CCDC14: variants seen among roughly 807,000 people sequenced by gnomAD.
The protein encoded by CCDC14 is coiled-coil domain containing 14.
CCDC14 carries 71 observed loss-of-function variants against 81.4 expected under a neutral mutation model. The ratio of observed to expected loss-of-function variants is 0.87; its 90% CI spans 0.72 to 1.06. The LOEUF is 1.06. Ranked by LOEUF, CCDC14 falls within the 50% of genes least tolerant of loss-of-function variation. The pLI is 0.00. For missense variants in CCDC14, 1,046 were observed against 1,047.3 expected, an observed-to-expected ratio of 1.00 and a Z score of 0.02; for synonymous variants, 332 against 364.8, an observed-to-expected ratio of 0.91 and a Z score of 1.03.
the CCDC14 span, among the ~76,000 whole-genome samples, chr3:123,888,784 A>AC: frequency 2.0e-5 from 3 of 152,006 alleles, no homozygotes; most frequent in African/African-American, 4.8e-5. Flanking sequence ...GGGGAAATCC[A>AC]CCCCCATGAT....
downstream of CCDC14, among the ~76,000 whole-genome samples, chr3:123,910,398 A>ATC (rs1208421947): frequency 5.9e-5 from 9 of 152,184 alleles, no homozygotes; most frequent in Admixed American, 5.9e-4. Flanking sequence ...ACTCACTGAC[A>ATC]AACCGGTGGA....
At chr3:123,956,698 A>G in intron 2 of CCDC14, 42 bp downstream of exon 2, 1 of 1,488,896 alleles carries the variant, frequency 6.7e-7, no homozygotes, top group East Asian at 2.5e-5. Flanking sequence ...GACCTGAAAA[A>G]TTCCTTGAAA....
At chr3:123,940,815 C>T (rs1192773076) in intron 9 of CCDC14, among the ~76,000 whole-genome samples, 3 of 151,998 alleles carry the variant, frequency 2.0e-5, no homozygotes, top group Non-Finnish European at 4.4e-5. Flanking sequence ...TCATCTTGTT[C>T]CTGTACTCCA....
At chr3:123,924,533 C>T (rs1165383190) in intron 12 of CCDC14, among the ~76,000 whole-genome samples, 4 of 151,958 alleles carry the variant, frequency 2.6e-5, no homozygotes, top group African/African-American at 7.2e-5. Context: ...ATATGCAAAC[C>T]GTACGTGATA....
the CCDC14 span, among the ~76,000 whole-genome samples, chr3:123,890,059 G>A: frequency 1.3e-5 from 2 of 152,190 alleles, no homozygotes; most frequent in African/African-American, 4.8e-5. Flanking sequence ...AATGGCAGCA[G>A]GCAGAGGGAG....
intron 12 of CCDC14, among the ~76,000 whole-genome samples, chr3:123,916,723 A>G (rs2034721694): frequency 6.6e-6 from 1 of 152,176 alleles, no homozygotes; most frequent in African/African-American, 2.4e-5. Flanking sequence ...CCGAACTACA[A>G]TGAAGATTAA....
rs2036741384 is a variant in CCDC14, at chr3:123,947,788, ATAT to A, written c.685-472_685-470del. On this transcript the variant is annotated intron_variant, in intron 7 of 12. Coordinates refer to ENST00000409697, the MANE Select transcript of CCDC14 (RefSeq NM_001366335.1). ...AATCCAACTTACTTTTAAGCTAAAAATATTAGTAAGTTTCTGATATTAAAAACT... is the reference window on the plus strand; with the variant it reads ...AATCCAACTTACTTTTAAGCTAAAAATAGTAAGTTTCTGATATTAAAAACT... Among the ~76,000 whole-genome samples, 3 of 152,024 alleles carry A rather than the reference ATAT, an allele frequency of 2.0e-5. No homozygotes were observed. The South Asian group carries it at 6.2e-4, about 32-fold the overall frequency.
chr3:123,891,647 T>C, the CCDC14 span, among the ~76,000 whole-genome samples: 1 of 152,224 alleles, frequency 6.6e-6, no homozygotes, highest in African/African-American at 2.4e-5. Context: ...TCATTGTCCA[T>C]GTTATTATCA....
At chr3:123,885,457 C>T in the CCDC14 span, among the ~76,000 whole-genome samples, 1 of 144,194 alleles carries the variant, frequency 6.9e-6, no homozygotes, top group Admixed American at 7.3e-5. Flanking sequence ...TCCAAGGGTG[C>T]ACCTTACCCC....
At chr3:123,909,270 G>GT (rs1469768972), downstream of CCDC14, among the ~76,000 whole-genome samples, 1 of 152,178 alleles carries the variant, frequency 6.6e-6, no homozygotes, top group Non-Finnish European at 1.5e-5. Context: ...GAACAAACGT[G>GT]TAAGTCTCTT....
At chr3:123,901,911 T>A (rs990275224) in intron 5 of CCDC14, among the ~76,000 whole-genome samples, 1 of 152,152 alleles carries the variant, frequency 6.6e-6, no homozygotes, top group Non-Finnish European at 1.5e-5. Flanking sequence ...CATATGAATA[T>A]GATTCAAGTT....
the CCDC14 span, among the ~76,000 whole-genome samples, chr3:123,888,090 T>C: frequency 2.6e-4 from 39 of 152,100 alleles, 1 homozygote; most frequent in Admixed American, 2.6e-3. Context: ...AAATAAAACG[T>C]TTAATTCTTC....
intron 5 of CCDC14, among the ~76,000 whole-genome samples, chr3:123,905,701 A>T (rs1338308962): frequency 1.3e-5 from 2 of 152,182 alleles, no homozygotes; most frequent in Non-Finnish European, 2.9e-5. Context: ...TGGATTCTGG[A>T]TTTCAGTCTC....
At chr3:123,956,159 T>C (rs915506142) in intron 3 of CCDC14, 44 bp from the exon 4 acceptor site, 48 of 1,447,876 alleles carry the variant, frequency 3.3e-5, no homozygotes, top group Non-Finnish European at 4.3e-5. Flanking sequence ...TATATGACTG[T>C]TAGTGTAGGA....
At chr3:123,945,210 A>C (rs576611905) in intron 8 of CCDC14, among the ~76,000 whole-genome samples, 15 of 152,150 alleles carry the variant, frequency 9.9e-5, no homozygotes, top group Middle Eastern at 3.4e-3. Context: ...AGTAAACTAA[A>C]GATTAATCTT....
intron 12 of CCDC14, among the ~76,000 whole-genome samples, chr3:123,921,057 C>G (rs541564288): frequency 3.3e-5 from 5 of 151,894 alleles, no homozygotes; most frequent in Non-Finnish European, 7.4e-5. Context: ...AGAATTTGCA[C>G]AAAACATGAA....
downstream of CCDC14, among the ~76,000 whole-genome samples, chr3:123,912,901 G>A (rs2034479164): frequency 6.6e-6 from 1 of 151,878 alleles, no homozygotes; most frequent in Non-Finnish European, 1.5e-5. Context: ...CAGTCAGGTT[G>A]GTCTACCACG....
chr3:123,938,788 C>T (rs1018379483), intron 9 of CCDC14, among the ~76,000 whole-genome samples: 19 of 151,766 alleles, frequency 1.3e-4, no homozygotes, highest in Admixed American at 6.6e-5. Flanking sequence ...TTTAGGATTA[C>T]ATGATTTTAA....
chr3:123,956,036 A>C lies in CCDC14; in HGVS notation c.229+10T>G. The stretch of plus-strand genomic sequence containing the variant: ...ATAAGGTGATCAGCAAAGAATTAAA[A>C]AAAAAAAACCTGAATCTTCATTTCT... On this transcript the variant is annotated intron_variant, in intron 4 of 12. Coordinates refer to ENST00000409697, the MANE Select transcript of CCDC14 (RefSeq NM_001366335.1). The C allele has an allele frequency of 6.5e-7, 1 of 1,538,822 alleles. No individual in the cohort carries two copies. Among genetic ancestry groups the C allele is most frequent in the Non-Finnish European group, 8.7e-7 (1 of 1,143,204 alleles).
Sources: allele counts gnomAD v4.1 joint callset (sites outside exome capture counted in the v4.1 genomes callset), GRCh38; gene constraint gnomAD v4.1.1; transcripts MANE v1.5; gene names NCBI Gene and HGNC (gene_info 2026-07-23, HGNC 2026-07-21).